FGGY: variants seen among roughly 807,000 people sequenced by gnomAD.
The protein encoded by FGGY is FGGY carbohydrate kinase domain-containing protein.
In FGGY, 72 loss-of-function variants were observed where a neutral mutation model predicts 71.3. That is an observed-to-expected ratio of 1.01 (90% CI 0.84 to 1.23). FGGY has a LOEUF of 1.23. Ranked by LOEUF, FGGY falls within the 50% of genes most tolerant of loss-of-function variation. The pLI is 0.00. For synonymous variants in FGGY, 251 were observed against 250.3 expected (o/e 1.00, Z -0.02); for missense variants, 668 against 682.3 (o/e 0.98, Z 0.23).
chr1:59,430,966 C>G (rs1425270856), intron 5 of FGGY, among the ~76,000 whole-genome samples: 2 of 152,166 alleles, frequency 1.3e-5, no homozygotes, highest in Non-Finnish European at 1.5e-5. Context: ...GGTAAAGGTG[C>G]TGTGATCCAA....
chr1:59,559,351 T>G (rs1008447227), intron 8 of FGGY, among the ~76,000 whole-genome samples: 1 of 152,242 alleles, frequency 6.6e-6, no homozygotes, highest in East Asian at 1.9e-4. Flanking sequence ...CTTCACAATT[T>G]ATGTTCCTCT....
At chr1:59,521,564 C>G (rs1432129826) in intron 7 of FGGY, among the ~76,000 whole-genome samples, 1 of 152,178 alleles carries the variant, frequency 6.6e-6, no homozygotes, top group Non-Finnish European at 1.5e-5. Context: ...AATACATACA[C>G]TCCTGTTTGG....
At chr1:59,432,202 C>G (rs553459315) in intron 5 of FGGY, among the ~76,000 whole-genome samples, 18 of 152,260 alleles carry the variant, frequency 1.2e-4, no homozygotes, top group African/African-American at 4.1e-4. Context: ...AAGCTCCCCA[C>G]CCCTTCCCAC....
At chr1:59,567,616 T>A (rs2095896488) in intron 8 of FGGY, among the ~76,000 whole-genome samples, 1 of 151,958 alleles carries the variant, frequency 6.6e-6, no homozygotes, top group Non-Finnish European at 1.5e-5. Context: ...GTATTTGCTA[T>A]GATCTTGGAA....
rs370142322 is a variant in FGGY, at chr1:59,371,389, A to G, written c.466-7360A>G. ...AAATATATATGCACCCAATACAGGAACACCCAGATTCATAAAGCAAGTCCT... is the reference window on the plus strand; with the variant it reads ...AAATATATATGCACCCAATACAGGAGCACCCAGATTCATAAAGCAAGTCCT... On this transcript the variant is annotated intron_variant, in intron 4 of 15. Transcript: ENST00000303721. Among the ~76,000 whole-genome samples, 10 of 152,124 alleles carry G rather than the reference A, an allele frequency of 6.6e-5. No individual in the cohort carries two copies. In the South Asian group the frequency reaches 1.4e-3, roughly 22 times the overall value.
chr1:59,698,687 C>T (rs2097684920), intron 14 of FGGY: 2 of 901,906 alleles, frequency 2.2e-6, no homozygotes, highest in African/African-American at 1.8e-5. Context: ...ATAAACAGGA[C>T]AGCTGTCCCC....
chr1:59,545,651 T>G (rs1313899770), intron 7 of FGGY, among the ~76,000 whole-genome samples: 1 of 148,982 alleles, frequency 6.7e-6, no homozygotes, highest in Non-Finnish European at 1.5e-5. Context: ...TTGATCTTTC[T>G]GGGTAGGAAG....
In FGGY at chr1:59,554,153, G is replaced by T. The variant is rs759042024; in HGVS notation, c.829G>T (p.Gly277Cys). The T allele has an allele frequency of 3.1e-6, 5 of 1,612,948 alleles. 1 individual carries two copies. The South Asian group carries it at 3.3e-5, about 11-fold the overall frequency. The stretch of plus-strand genomic sequence containing the variant: ...GATTGGGGCAGATGTGAGAGGGCAC[G>T]GCCTCATCTGTGAGGGGCAGCCAGT... The part of the protein sequence containing the change: ...GVIGADVRGH[G>C]LICEGQPVTS... The change falls in exon 8 of 16, where the codon GGC (glycine) becomes TGC (cysteine). Residue 277 changes from glycine to cysteine, a missense_variant. Around this residue, in one of 2 missense-constraint regions of FGGY, gnomAD observed 661 missense variants for 661.6 expected, o/e 1.00. Transcript: ENST00000303721.
At chr1:59,759,083 A>G (rs908442719) in intron 15 of FGGY, among the ~76,000 whole-genome samples, 1 of 152,192 alleles carries the variant, frequency 6.6e-6, no homozygotes, top group African/African-American at 2.4e-5. Flanking sequence ...TTGAAGATGA[A>G]GGGGCTGTTG....
intron 14 of FGGY, among the ~76,000 whole-genome samples, chr1:59,734,994 T>C (rs1242254137): frequency 6.6e-6 from 1 of 152,230 alleles, no homozygotes. Flanking sequence ...CCAAGGTTAT[T>C]AAACACAACC....
intron 6 of FGGY, among the ~76,000 whole-genome samples, chr1:59,505,712 G>A (rs568078382): frequency 4.2e-4 from 64 of 152,160 alleles, no homozygotes; most frequent in African/African-American, 1.4e-3. Flanking sequence ...TCCTGGAGAG[G>A]ATAACAGTTC....
chr1:59,610,387 T>C (rs2096663092), intron 9 of FGGY, among the ~76,000 whole-genome samples: 2 of 152,184 alleles, frequency 1.3e-5, no homozygotes, highest in Non-Finnish European at 1.5e-5. Flanking sequence ...TCCAGCTTCA[T>C]CCATGTCCCT....
chr1:59,527,248 C>T (rs1036214852), intron 7 of FGGY, among the ~76,000 whole-genome samples: 14 of 152,166 alleles, frequency 9.2e-5, no homozygotes, highest in Admixed American at 6.5e-4. Flanking sequence ...TGAAATTAAG[C>T]AGATATTTAT....
chr1:59,481,899 C>G (rs536788564), intron 6 of FGGY, among the ~76,000 whole-genome samples: 97 of 152,104 alleles, frequency 6.4e-4, no homozygotes, highest in Admixed American at 1.3e-3. Context: ...GTATTTGGAT[C>G]TATTTCACAG....
rs150035920 is a variant in FGGY, at chr1:59,688,629, G to A, written c.1512+14496G>A. On this transcript the variant is annotated intron_variant, in intron 14 of 15. Coordinates refer to ENST00000303721, the MANE Select transcript of FGGY (RefSeq NM_018291.5). The stretch of plus-strand genomic sequence containing the variant: ...AAAGGAATTTACCCAAGTTCATACC[G>A]AACGTTCATATTCAACCTGGAATTT... 3.6e-3 allele frequency among the ~76,000 whole-genome samples: 541 copies of A among 152,196 alleles called. 3 individuals are homozygous for A. Among genetic ancestry groups the A allele is most frequent in the Non-Finnish European group, 6.0e-3 (410 of 68,014 alleles).
At chr1:59,696,285 T>G (rs879283401) in intron 14 of FGGY, among the ~76,000 whole-genome samples, 1 of 152,216 alleles carries the variant, frequency 6.6e-6, no homozygotes, top group African/African-American at 2.4e-5. Context: ...TAATAGATAC[T>G]AGAAAAGTAC....
intron 5 of FGGY, among the ~76,000 whole-genome samples, chr1:59,388,979 G>A (rs961471253): frequency 5.3e-5 from 8 of 151,824 alleles, no homozygotes; most frequent in Admixed American, 1.3e-4. Flanking sequence ...ACAGGGTCTT[G>A]CTCTGTCGCC....
At chr1:59,314,756 T>C (rs1393765786) in intron 1 of FGGY, among the ~76,000 whole-genome samples, 13 of 152,242 alleles carry the variant, frequency 8.5e-5, no homozygotes, top group Admixed American at 8.5e-4. Context: ...GAGTACCTAC[T>C]GCATACCAAA....
intron 9 of FGGY, among the ~76,000 whole-genome samples, chr1:59,617,079 A>G (rs768522193): frequency 6.6e-6 from 1 of 152,136 alleles, no homozygotes; most frequent in Non-Finnish European, 1.5e-5. Context: ...AAAAAGTTGC[A>G]TCTTTTTTAT....
Sources: allele counts gnomAD v4.1 joint callset (sites outside exome capture counted in the v4.1 genomes callset), GRCh38; gene constraint gnomAD v4.1.1; regional missense constraint gnomAD v4.1.1; transcripts MANE v1.5; gene names NCBI Gene and HGNC (gene_info 2026-07-23, HGNC 2026-07-21).